The following INSYN2B variants were observed in gnomAD, a reference collection of about 807,000 sequenced individuals.
The protein encoded by INSYN2B is inhibitory synaptic factor family member 2B.
INSYN2B carries 16 observed loss-of-function variants against 41.2 expected under a neutral mutation model. The ratio of observed to expected loss-of-function variants is 0.39; its 90% CI spans 0.26 to 0.59. The LOEUF (loss-of-function observed/expected upper bound fraction) is 0.59, where lower values mean the gene tolerates loss of function less well. INSYN2B is among the 20% of genes least tolerant of loss of function. The pLI is 0.57. For missense variants in INSYN2B, 608 were observed against 646.4 expected (o/e 0.94, Z 0.64); for synonymous variants, 245 against 244.4 (o/e 1.00, Z -0.02).
intron 1 of INSYN2B, among the ~76,000 whole-genome samples, chr5:169,939,249 G>A (rs1482764847): frequency 6.8e-6 from 1 of 148,084 alleles, no homozygotes; most frequent in African/African-American, 2.5e-5. Flanking sequence ...TAAAAACTAA[G>A]ACACAAACAC....
chr5:169,945,700 C>T (rs762529029), intron 1 of INSYN2B, among the ~76,000 whole-genome samples: 1 of 152,164 alleles, frequency 6.6e-6, no homozygotes, highest in African/African-American at 2.4e-5. Flanking sequence ...TGGATGTGCT[C>T]CTCCCGCTTA....
At chr5:169,978,244 G>T (rs1400051593) in intron 1 of INSYN2B, among the ~76,000 whole-genome samples, 6 of 152,020 alleles carry the variant, frequency 3.9e-5, no homozygotes, top group African/African-American at 1.4e-4. Flanking sequence ...AATCTTAGGT[G>T]AGTGAGGGTT....
At chr5:169,928,727 CT>C (rs1261011150) in intron 1 of INSYN2B, among the ~76,000 whole-genome samples, 2 of 152,120 alleles carry the variant, frequency 1.3e-5, no homozygotes, top group Non-Finnish European at 1.5e-5. Context: ...GTTATGACAC[CT>C]TCATAGAGAA....
intron 1 of INSYN2B, among the ~76,000 whole-genome samples, chr5:169,906,066 G>A (rs1234499268): frequency 1.3e-5 from 2 of 152,194 alleles, no homozygotes; most frequent in South Asian, 4.1e-4. Context: ...AATTATAAAT[G>A]AATGCAAAGA....
intron 2 of INSYN2B, among the ~76,000 whole-genome samples, chr5:169,881,846 A>G (rs1772673742): frequency 2.0e-5 from 3 of 152,298 alleles, no homozygotes; most frequent in Admixed American, 2.0e-4. Context: ...TCTCTCTCCT[A>G]CTGTTTTTGA....
chr5:169,935,301 A>T (rs563024580), intron 1 of INSYN2B, among the ~76,000 whole-genome samples: 3 of 152,266 alleles, frequency 2.0e-5, no homozygotes, highest in African/African-American at 7.2e-5. Flanking sequence ...ACTCGACCAA[A>T]AAAAGGTCTC....
chr5:169,886,814 A>G (rs1335446310), intron 1 of INSYN2B, among the ~76,000 whole-genome samples: 1 of 152,168 alleles, frequency 6.6e-6, no homozygotes, highest in East Asian at 1.9e-4. Flanking sequence ...ACTGCTCATT[A>G]GCACTTCATT....
chr5:169,942,282 A>T (rs1337991630), intron 1 of INSYN2B, among the ~76,000 whole-genome samples: 1 of 152,162 alleles, frequency 6.6e-6, no homozygotes, highest in African/African-American at 2.4e-5. Flanking sequence ...CTCTGCAATG[A>T]CTTCTGACTT....
intron 2 of INSYN2B, among the ~76,000 whole-genome samples, chr5:169,881,919 C>T (rs769143754): frequency 2.0e-5 from 3 of 152,204 alleles, no homozygotes; most frequent in South Asian, 2.1e-4. Flanking sequence ...ACGAGCATTT[C>T]GCATCTAAAC....
At chr5:169,935,776 A>G (rs1489452634) in intron 1 of INSYN2B, among the ~76,000 whole-genome samples, 1 of 152,166 alleles carries the variant, frequency 6.6e-6, no homozygotes, top group Admixed American at 6.5e-5. Flanking sequence ...AGGAGAAAAA[A>G]CGCGTTGTGT....
At chr5:169,886,485 T>C (rs1431792581) in intron 1 of INSYN2B, among the ~76,000 whole-genome samples, 1 of 152,220 alleles carries the variant, frequency 6.6e-6, no homozygotes, top group African/African-American at 2.4e-5. Context: ...CAGATAATAA[T>C]TAAGCCTGCC....
chr5:169,977,250 G>C (rs1195294388), intron 1 of INSYN2B, among the ~76,000 whole-genome samples: 1 of 152,202 alleles, frequency 6.6e-6, no homozygotes, highest in African/African-American at 2.4e-5. Context: ...CCAAAAGCAT[G>C]TTCAGCGGCA....
In INSYN2B at chr5:169,883,408, ACCCTTCGAGG is replaced by A. The variant is rs1561793372; in HGVS notation, c.481_490del (p.Pro161SerfsTer32). 1 of 1,551,564 alleles carries A rather than the reference ACCCTTCGAGG, an allele frequency of 6.4e-7. No individual in the cohort carries two copies. Among genetic ancestry groups the A allele is most frequent in the Non-Finnish European group, 8.7e-7 (1 of 1,146,948 alleles). On this transcript the variant is annotated frameshift_variant, in exon 2 of 4. Transcript: ENST00000377365. LOFTEE classifies it high-confidence loss of function. Reference sequence around the variant, plus strand: ...TGGGAGGAATGCATGGGACACCTTGACCCTTCGAGGCCCATCCTCAAGATGCTGAGCCAAC... The same window carrying A: ...TGGGAGGAATGCATGGGACACCTTGACCCATCCTCAAGATGCTGAGCCAAC...
At chr5:169,875,397 C>A (rs1368485667) in intron 3 of INSYN2B, 3 of 435,746 alleles carry the variant, frequency 6.9e-6, no homozygotes, top group African/African-American at 2.0e-5. Flanking sequence ...TCAATGTAAA[C>A]CCTCACGATG....
chr5:169,919,699 C>T (rs1775067018), intron 1 of INSYN2B, among the ~76,000 whole-genome samples: 1 of 152,136 alleles, frequency 6.6e-6, no homozygotes, highest in African/African-American at 2.4e-5. Flanking sequence ...GTAAGCAGTG[C>T]ACTCATGGCC....
chr5:169,972,586 T>TAGATGATA (rs1554122913), intron 1 of INSYN2B, among the ~76,000 whole-genome samples: 1,459 of 68,712 alleles, frequency 0.021, 17 homozygotes, highest in Non-Finnish European at 0.028. Flanking sequence ...GATAGATAGA[T>TAGATGATA]GATAGATAGA....
intron 1 of INSYN2B, among the ~76,000 whole-genome samples, chr5:169,958,383 G>A (rs1278184093): frequency 1.3e-5 from 2 of 152,148 alleles, no homozygotes; most frequent in African/African-American, 4.8e-5. Context: ...AAAGCAAGAG[G>A]AGGGCAAACA....
chr5:169,909,750 G>A (rs1214642401), intron 1 of INSYN2B, among the ~76,000 whole-genome samples: 2 of 152,144 alleles, frequency 1.3e-5, no homozygotes, highest in Non-Finnish European at 2.9e-5. Context: ...CAGTGTCACT[G>A]TGAATAAAAT....
chr5:169,887,799 A>G (rs1008749541), intron 1 of INSYN2B, among the ~76,000 whole-genome samples: 1 of 152,222 alleles, frequency 6.6e-6, no homozygotes, highest in Non-Finnish European at 1.5e-5. Flanking sequence ...TGATACTACC[A>G]TGTTACCACT....
Sources: allele counts gnomAD v4.1 joint callset (sites outside exome capture counted in the v4.1 genomes callset), GRCh38; gene constraint gnomAD v4.1.1; transcripts MANE v1.5; gene names NCBI Gene and HGNC (gene_info 2026-07-23, HGNC 2026-07-21).